FAM83B: variants seen among roughly 807,000 people sequenced by gnomAD.
FAM83B encodes the protein protein FAM83B.
In FAM83B, 26 loss-of-function variants were observed where a neutral mutation model predicts 38.8. The ratio of observed to expected loss-of-function variants is 0.67; its 90% CI spans 0.49 to 0.93. The LOEUF (loss-of-function observed/expected upper bound fraction) is 0.93, where lower values mean the gene tolerates loss of function less well. FAM83B is among the 40% of genes least tolerant of loss of function. The probability of loss-of-function intolerance (pLI) is 0.00; values close to 1 mark genes in which losing one functional copy is unlikely to be tolerated. For missense variants in FAM83B, 1,237 were observed against 1,197.3 expected, an observed-to-expected ratio of 1.03 and a Z score of -0.49; for synonymous variants, 419 against 423.1, an observed-to-expected ratio of 0.99 and a Z score of 0.12.
At chr6:54,850,879 C>A (rs528745518) in intron 1 of FAM83B, among the ~76,000 whole-genome samples, 1 of 151,714 alleles carries the variant, frequency 6.6e-6, no homozygotes, top group East Asian at 1.9e-4. Flanking sequence ...ATTGGCCAGG[C>A]GTGGTGGCGG....
chr6:54,878,244 T>G (rs1339564847), intron 2 of FAM83B, among the ~76,000 whole-genome samples: 1 of 152,204 alleles, frequency 6.6e-6, no homozygotes, highest in East Asian at 1.9e-4. Flanking sequence ...AGCAGTTATT[T>G]TTTTAGTGCC....
rs766009606 is a variant in FAM83B, at chr6:54,940,491, C to G, written c.1520C>G (p.Ala507Gly). 1.1e-5 allele frequency: 18 copies of G among 1,613,952 alleles called. No individual in the cohort carries two copies. The highest frequency in any genetic ancestry group is 1.1e-4 in the South Asian group (10 of 91,086). The change falls in exon 5 of 5, where the codon GCT (alanine) becomes GGT (glycine). Residue 507 changes from alanine to glycine, a missense_variant. Transcript: ENST00000306858. Reference protein sequence around the residue: ...IESYLNDHSEATPDSNGSALG... With the variant: ...IESYLNDHSEGTPDSNGSALG... ...TCCTACTTAAATGATCATTCAGAAG[C>G]TACACCGGACTCAAATGGATCAGCT... is the stretch of plus-strand genomic sequence containing the variant.
chr6:54,922,319 C>A (rs1561925955), intron 2 of FAM83B, among the ~76,000 whole-genome samples: 5 of 151,832 alleles, frequency 3.3e-5, no homozygotes, highest in Admixed American at 2.6e-4. Context: ...AATACTGTTT[C>A]TGTATTCAAA....
chr6:54,878,763 G>T (rs1385616164), intron 2 of FAM83B, among the ~76,000 whole-genome samples: 3 of 152,056 alleles, frequency 2.0e-5, no homozygotes, highest in Non-Finnish European at 4.4e-5. Context: ...GCAAAAGAGA[G>T]ACATCAATTT....
At chr6:54,895,750 T>C (rs1456859918) in intron 2 of FAM83B, among the ~76,000 whole-genome samples, 1 of 151,870 alleles carries the variant, frequency 6.6e-6, no homozygotes, top group Non-Finnish European at 1.5e-5. Context: ...GTTTGTTTTG[T>C]TTTGTTTTGA....
At chr6:54,870,778 G>T (rs1446062660) in intron 2 of FAM83B, 88 bp downstream of exon 2, 5 of 1,255,478 alleles carry the variant, frequency 4.0e-6, no homozygotes, top group South Asian at 3.1e-5. Context: ...GTTAATAAAA[G>T]AATCTCTATA....
intron 2 of FAM83B, among the ~76,000 whole-genome samples, chr6:54,871,648 C>T (rs976192157): frequency 1.4e-5 from 2 of 141,568 alleles, no homozygotes; most frequent in African/African-American, 5.2e-5. Context: ...GAGGCTAAGA[C>T]ACGAGAATTG....
chr6:54,922,719 G>A (rs558903468), intron 2 of FAM83B, among the ~76,000 whole-genome samples: 2 of 152,068 alleles, frequency 1.3e-5, no homozygotes, highest in East Asian at 1.9e-4. Flanking sequence ...GATAAAATTC[G>A]AGCATGGTCC....
chr6:54,901,008 A>G (rs557801568), intron 2 of FAM83B, among the ~76,000 whole-genome samples: 1 of 152,160 alleles, frequency 6.6e-6, no homozygotes, highest in Non-Finnish European at 1.5e-5. Context: ...TTAGAACATG[A>G]TTGCTCTTTG....
chr6:54,923,762 C>T (rs1304100649), intron 2 of FAM83B, among the ~76,000 whole-genome samples: 2 of 151,986 alleles, frequency 1.3e-5, no homozygotes, highest in East Asian at 1.9e-4. Flanking sequence ...CATGCTGTCT[C>T]CCCCAGCAGC....
At chr6:54,929,242 G>C (rs1346533850) in intron 4 of FAM83B, among the ~76,000 whole-genome samples, 1 of 152,080 alleles carries the variant, frequency 6.6e-6, no homozygotes, top group African/African-American at 2.4e-5. Context: ...AACTAGTTTG[G>C]TTAAAAGTGA....
chr6:54,908,886 G>GTCA (rs1457887759), intron 2 of FAM83B, among the ~76,000 whole-genome samples: 1 of 152,178 alleles, frequency 6.6e-6, no homozygotes, highest in East Asian at 1.9e-4. Flanking sequence ...GGGGGCTGGA[G>GTCA]TCATATAGTA....
At chr6:54,876,296 TATATATATATATATATATATA>T (rs1771993254) in intron 2 of FAM83B, among the ~76,000 whole-genome samples, 1 of 47,718 alleles carries the variant, frequency 2.1e-5, no homozygotes. Context: ...TATATATATA[TATATATATATATATATATATA>T]TATGTTTTTG....
At chr6:54,886,518 A>G (rs1378639104) in intron 2 of FAM83B, among the ~76,000 whole-genome samples, 2 of 151,854 alleles carry the variant, frequency 1.3e-5, no homozygotes, top group African/African-American at 4.8e-5. Context: ...ACTGCTTTTA[A>G]GTTATATTTT....
chr6:54,891,054 C>G (rs1318242750), intron 2 of FAM83B, among the ~76,000 whole-genome samples: 2 of 152,110 alleles, frequency 1.3e-5, no homozygotes, highest in Non-Finnish European at 2.9e-5. Context: ...TGTGTTCCAT[C>G]ATGACAGTCC....
chr6:54,879,854 C>G (rs1431415409), intron 2 of FAM83B, among the ~76,000 whole-genome samples: 1 of 152,160 alleles, frequency 6.6e-6, no homozygotes, highest in Non-Finnish European at 1.5e-5. Flanking sequence ...CAGCAACAAG[C>G]TGACAATAGG....
At chr6:54,892,439 T>C (rs1561916350) in intron 2 of FAM83B, among the ~76,000 whole-genome samples, 1 of 151,954 alleles carries the variant, frequency 6.6e-6, no homozygotes. Flanking sequence ...TACTCTCCAA[T>C]AGGCCCCAGT....
chr6:54,924,840 A>T (rs1561926725), intron 2 of FAM83B, among the ~76,000 whole-genome samples: 1 of 152,098 alleles, frequency 6.6e-6, no homozygotes, highest in Non-Finnish European at 1.5e-5. Flanking sequence ...CACTTGCACC[A>T]GTAGTTCTAA....
At chr6:54,913,493 G>A (rs1031463264) in intron 2 of FAM83B, among the ~76,000 whole-genome samples, 2 of 151,976 alleles carry the variant, frequency 1.3e-5, no homozygotes, top group Admixed American at 6.6e-5. Flanking sequence ...CAGTTTGCCC[G>A]AGTAGAAAAT....
Sources: gnomAD v4.1 joint callset for allele counts (sites outside exome capture counted in the v4.1 genomes callset) on GRCh38, gnomAD v4.1.1 for gene constraint, MANE v1.5 for transcripts, NCBI Gene and HGNC (gene_info 2026-07-23, HGNC 2026-07-21) for gene names.